The following PTPRT variants were observed in gnomAD, a reference collection of about 807,000 sequenced individuals.
PTPRT encodes receptor-type tyrosine-protein phosphatase T.
A neutral mutation model predicts 176.8 loss-of-function variants in PTPRT; 56 were observed. The ratio of observed to expected loss-of-function variants is 0.32; its 90% CI spans 0.26 to 0.40. The LOEUF (loss-of-function observed/expected upper bound fraction) is 0.40. Ranked by LOEUF, PTPRT falls within the 10% of genes least tolerant of loss-of-function variation. The probability of loss-of-function intolerance (pLI) is 1.00; values close to 1 mark genes in which losing one functional copy is unlikely to be tolerated. For missense variants in PTPRT, 1,540 were observed against 1,908.2 expected (o/e 0.81, Z 3.60); for synonymous variants, 783 against 739.0 (o/e 1.06, Z -0.96).
intron 11 of PTPRT, among the ~76,000 whole-genome samples, chr20:42,342,263 C>T (rs1039862671): frequency 6.6e-6 from 1 of 152,168 alleles, no homozygotes; most frequent in African/African-American, 2.4e-5. Flanking sequence ...TAACATTCAT[C>T]CCTTATTCTT....
intron 13 of PTPRT, among the ~76,000 whole-genome samples, chr20:42,251,926 C>A (rs999356631): frequency 6.6e-6 from 1 of 152,086 alleles, no homozygotes; most frequent in Non-Finnish European, 1.5e-5. Context: ...ATTTGTATTT[C>A]CAATAGATCA....
In PTPRT at chr20:42,442,046, G is replaced by T. The variant is rs553849840; in HGVS notation, c.1560+6174C>A. Reference sequence around the variant, plus strand: ...GGACCAGAGTCATGAGCCAGTCTGGGGTCAGTGAGCCCTGAGTGGTCAGTG... The same window carrying T: ...GGACCAGAGTCATGAGCCAGTCTGGTGTCAGTGAGCCCTGAGTGGTCAGTG... On this transcript the variant is annotated intron_variant, in intron 9 of 30. Transcript: ENST00000373187. 1.1e-4 allele frequency among the ~76,000 whole-genome samples: 17 copies of T among 152,288 alleles called. No homozygotes were observed. The East Asian group carries it at 1.2e-3, about 10-fold the overall frequency.
chr20:42,749,391 G>A (rs2076737629), intron 6 of PTPRT, among the ~76,000 whole-genome samples: 1 of 152,158 alleles, frequency 6.6e-6, no homozygotes, highest in African/African-American at 2.4e-5. Context: ...GGCTATCCCA[G>A]ACTCTTCCAG....
At chr20:42,031,925 G>A in the PTPRT span, among the ~76,000 whole-genome samples, 3 of 152,130 alleles carry the variant, frequency 2.0e-5, no homozygotes, top group Admixed American at 6.5e-5. Flanking sequence ...TAAGTACTTT[G>A]TAAATCTTCG....
chr20:43,179,132 A>G (rs567095457), intron 1 of PTPRT, among the ~76,000 whole-genome samples: 1 of 152,262 alleles, frequency 6.6e-6, no homozygotes, highest in African/African-American at 2.4e-5. Context: ...CTGACAAAAC[A>G]TCCTTCCTTC....
intron 1 of PTPRT, among the ~76,000 whole-genome samples, chr20:43,098,373 TG>T (rs1341711565): frequency 6.6e-6 from 1 of 152,078 alleles, no homozygotes; most frequent in Non-Finnish European, 1.5e-5. Context: ...ATCTGTAAAA[TG>T]GATATAACTG....
intron 6 of PTPRT, among the ~76,000 whole-genome samples, chr20:42,681,706 A>G (rs566363117): frequency 1.3e-5 from 2 of 152,302 alleles, no homozygotes; most frequent in African/African-American, 4.8e-5. Context: ...AGGATTGACA[A>G]AGAGAAGTCA....
chr20:42,585,403 T>C (rs2073454894), intron 7 of PTPRT, among the ~76,000 whole-genome samples: 1 of 152,232 alleles, frequency 6.6e-6, no homozygotes, highest in South Asian at 2.1e-4. Context: ...TACTGTCATC[T>C]AGGTTGAATT....
intron 1 of PTPRT, among the ~76,000 whole-genome samples, chr20:42,960,799 A>G (rs1274840338): frequency 1.3e-5 from 2 of 152,186 alleles, no homozygotes; most frequent in Non-Finnish European, 2.9e-5. Flanking sequence ...CAGAGCAGAG[A>G]GTAAGAAGCA....
intron 6 of PTPRT, among the ~76,000 whole-genome samples, chr20:42,679,945 G>A (rs1286953815): frequency 6.6e-6 from 1 of 152,142 alleles, no homozygotes; most frequent in East Asian, 1.9e-4. Flanking sequence ...ATGTCAAAGG[G>A]TATGAACAAG....
rs1042457371 is a variant in PTPRT at position 42,668,427 on chromosome 20, G to A, written c.1153+9439C>T. On this transcript the variant is annotated intron_variant, in intron 7 of 30. Coordinates refer to ENST00000373187, the MANE Select transcript of PTPRT (RefSeq NM_007050.6). ...CCAGAGAACACTAAGAGGTTCCCAAGCGGACTCTCACTCTTCCCTCCCAGC... is the reference window on the plus strand; with the variant it reads ...CCAGAGAACACTAAGAGGTTCCCAAACGGACTCTCACTCTTCCCTCCCAGC... 1.8e-4 allele frequency among the ~76,000 whole-genome samples: 27 copies of A among 152,266 alleles called. No homozygotes were observed. In the Middle Eastern group the frequency reaches 0.01, roughly 58 times the overall value.
In PTPRT at chr20:42,091,863, A is replaced by G. The variant is rs8116331; in HGVS notation, c.3847-6010T>C. Among the ~76,000 whole-genome samples, 669 of 152,284 alleles carry G rather than the reference A, an allele frequency of 4.4e-3. 4 individuals are homozygous for G. Among genetic ancestry groups the G allele is most frequent in the African/African-American group, 0.015 (631 of 41,558 alleles). ...CTCATTGTATCCTTCCAGTAGTCCC[A>G]TGAAGCTCCATAATACAATCTCCAC... On this transcript the variant is annotated intron_variant, in intron 27 of 30. Coordinates refer to ENST00000373187, the MANE Select transcript of PTPRT (RefSeq NM_007050.6).
intron 1 of PTPRT, among the ~76,000 whole-genome samples, chr20:42,946,076 TG>T (rs1330178936): frequency 1.3e-5 from 2 of 152,234 alleles, no homozygotes; most frequent in Admixed American, 1.3e-4. Flanking sequence ...CTTGCAAGTT[TG>T]GGCCCCTGGC....
intron 9 of PTPRT, among the ~76,000 whole-genome samples, chr20:42,354,259 G>A (rs868255919): frequency 2.0e-5 from 3 of 152,180 alleles, no homozygotes; most frequent in Middle Eastern, 3.4e-3. Flanking sequence ...CAGCATAGAC[G>A]AGTTTTGCCA....
At chr20:43,049,607 C>A (rs1258382544) in intron 1 of PTPRT, among the ~76,000 whole-genome samples, 2 of 152,334 alleles carry the variant, frequency 1.3e-5, no homozygotes, top group African/African-American at 2.4e-5. Context: ...GCCTATGTGA[C>A]CAGACAGACA....
intron 15 of PTPRT, among the ~76,000 whole-genome samples, chr20:42,234,184 G>A (rs890207576): frequency 1.3e-5 from 2 of 152,096 alleles, no homozygotes; most frequent in Non-Finnish European, 2.9e-5. Context: ...TTTCTGAAAG[G>A]GGAAATAAAG....
chr20:42,549,188 A>G lies in PTPRT; in HGVS notation c.1154-76626T>C, dbSNP rs564606809. 9.3e-4 allele frequency among the ~76,000 whole-genome samples: 142 copies of G among 152,260 alleles called. 1 individual carries two copies. The highest frequency in any genetic ancestry group is 5.4e-3 in the Admixed American group (82 of 15,282). ...GCGGTGATTTGGAGACAGTCTGCTC[A>G]CCGATTACGGGGTAATGGATAACAA... On this transcript the variant is annotated intron_variant, in intron 7 of 30. Transcript: ENST00000373187.
rs1298629058 is a variant in PTPRT, at chr20:42,617,718, T to C, written c.1153+60148A>G. On this transcript the variant is annotated intron_variant, in intron 7 of 30. Coordinates refer to ENST00000373187, the MANE Select transcript of PTPRT (RefSeq NM_007050.6). The stretch of plus-strand genomic sequence containing the variant: ...TCCATTTCTTCTAGATTTTCTAGTT[T>C]ATTTGCGTAGAGGTGTTTGTAGTAC... Among the ~76,000 whole-genome samples the C allele has an allele frequency of 2.1e-5, 3 of 139,688 alleles. 1 individual carries two copies. The highest frequency in any genetic ancestry group is 6.8e-5 in the Admixed American group (1 of 14,616). 91.6% of individuals were successfully genotyped at this position (139,688 alleles called of 152,430 possible).
chr20:42,562,558 C>A (rs988549679), intron 7 of PTPRT, among the ~76,000 whole-genome samples: 2 of 152,190 alleles, frequency 1.3e-5, no homozygotes, highest in Non-Finnish European at 1.5e-5. Flanking sequence ...AAAGCTATTA[C>A]CAACATTCTT....
Sources: allele counts gnomAD v4.1 joint callset (sites outside exome capture counted in the v4.1 genomes callset), GRCh38; gene constraint gnomAD v4.1.1; transcripts MANE v1.5; gene names NCBI Gene and HGNC (gene_info 2026-07-23, HGNC 2026-07-21).